The following MTUS2 variants were observed in gnomAD, a reference collection of about 807,000 sequenced individuals.
The protein encoded by MTUS2 is microtubule associated scaffold protein 2, also known as microtubule-associated tumor suppressor candidate 2.
In MTUS2, 40 loss-of-function variants were observed where a neutral mutation model predicts 114.1. The observed-to-expected ratio is 0.35, with a 90% CI of 0.27 to 0.46. The LOEUF (loss-of-function observed/expected upper bound fraction) is 0.46. Ranked by LOEUF, MTUS2 falls within the 20% of genes least tolerant of loss-of-function variation. MTUS2 has a pLI of 1.00. For synonymous variants in MTUS2, 688 were observed against 672.0 expected, an observed-to-expected ratio of 1.02 and a Z score of -0.37; for missense variants, 1,679 against 1,705.4, an observed-to-expected ratio of 0.98 and a Z score of 0.27.
chr13:28,897,841 G>T (rs1215458151), intron 2 of MTUS2, among the ~76,000 whole-genome samples: 1 of 146,396 alleles, frequency 6.8e-6, no homozygotes, highest in Non-Finnish European at 1.5e-5. Flanking sequence ...TCATAGGTGG[G>T]AATTGAACAA....
intron 5 of MTUS2, among the ~76,000 whole-genome samples, chr13:29,184,149 G>GT (rs976801417): frequency 5.9e-5 from 9 of 151,698 alleles, no homozygotes; most frequent in South Asian, 2.1e-4. Flanking sequence ...TTTGTTTGCT[G>GT]TTTTTTTTCG....
intron 4 of MTUS2, among the ~76,000 whole-genome samples, chr13:29,040,939 G>C (rs1412662691): frequency 1.3e-5 from 2 of 152,098 alleles, no homozygotes; most frequent in African/African-American, 2.4e-5. Context: ...TGCTTTTACT[G>C]TGCAGAAGCT....
intron 9 of MTUS2, among the ~76,000 whole-genome samples, chr13:29,452,683 A>T (rs1050884461): frequency 1.3e-4 from 20 of 151,688 alleles, no homozygotes; most frequent in Admixed American, 1.3e-3. Flanking sequence ...GACTCAAATG[A>T]TCCTCCTGCC....
At chr13:28,869,627 T>C (rs1408527291) in intron 2 of MTUS2, among the ~76,000 whole-genome samples, 6 of 152,038 alleles carry the variant, frequency 3.9e-5, no homozygotes, top group Non-Finnish European at 7.4e-5. Context: ...AAAAATTAGC[T>C]GGGCGTGGTG....
intron 8 of MTUS2, among the ~76,000 whole-genome samples, chr13:29,429,125 C>T (rs1876806054): frequency 6.6e-6 from 1 of 152,252 alleles, no homozygotes; most frequent in African/African-American, 2.4e-5. Flanking sequence ...TTCCTGCAGT[C>T]TCAAATGTAA....
intron 5 of MTUS2, among the ~76,000 whole-genome samples, chr13:29,184,610 C>T (rs149046838): frequency 5.3e-4 from 80 of 152,262 alleles, no homozygotes; most frequent in African/African-American, 1.6e-3. Flanking sequence ...GACTGGGACA[C>T]GTATTAGTTC....
At chr13:29,174,661 C>T (rs928175780) in intron 5 of MTUS2, among the ~76,000 whole-genome samples, 62 of 152,118 alleles carry the variant, frequency 4.1e-4, no homozygotes, top group Non-Finnish European at 1.8e-4. Flanking sequence ...ATTCTGCTTA[C>T]GGTAGTGGTT....
At chr13:29,502,014 T>C (rs1882948075) in intron 15 of MTUS2, among the ~76,000 whole-genome samples, 2 of 152,198 alleles carry the variant, frequency 1.3e-5, no homozygotes, top group Non-Finnish European at 2.9e-5. Context: ...ACATGTACAT[T>C]CTCTCACATA....
intron 7 of MTUS2, among the ~76,000 whole-genome samples, chr13:29,325,386 G>A (rs1464721709): frequency 6.6e-6 from 1 of 151,632 alleles, no homozygotes; most frequent in African/African-American, 2.4e-5. Flanking sequence ...AACTCGAGAG[G>A]TGGAGGTTGC....
chr13:28,870,563 A>C (rs1877560824), intron 2 of MTUS2, among the ~76,000 whole-genome samples: 1 of 152,114 alleles, frequency 6.6e-6, no homozygotes, highest in Non-Finnish European at 1.5e-5. Context: ...AAGCTTGTTG[A>C]TTAGTTGATA....
rs994627935 is a variant in MTUS2, at chr13:28,866,666, C to T, written c.-243+26816C>T. Among the ~76,000 whole-genome samples the T allele has an allele frequency of 8.5e-5, 13 of 152,198 alleles. No individual in the cohort carries two copies. The East Asian group carries it at 1.2e-3, about 14-fold the overall frequency. On this transcript the variant is annotated intron_variant, in intron 2 of 15. Transcript: ENST00000612955. ...ATGCCTTTGTATAAGATTTAGAGCA[C>T]GGTTGCCAAGAATGGGTTTTAGATA...
chr13:28,836,339 T>G (rs1875085368), intron 1 of MTUS2, among the ~76,000 whole-genome samples: 1 of 152,176 alleles, frequency 6.6e-6, no homozygotes, highest in African/African-American at 2.4e-5. Flanking sequence ...AAGAGTGATT[T>G]TCATGAAAGT....
At chr13:28,861,439 C>CTT (rs11462684) in intron 2 of MTUS2, among the ~76,000 whole-genome samples, 10,301 of 139,420 alleles carry the variant, frequency 0.074, 412 homozygotes, top group Non-Finnish European at 0.088. Context: ...CTGTTTTTTT[C>CTT]TTTTTTTTTT....
chr13:28,854,404 C>G (rs1025666449), intron 2 of MTUS2, among the ~76,000 whole-genome samples: 1 of 152,192 alleles, frequency 6.6e-6, no homozygotes, highest in Admixed American at 6.5e-5. Context: ...GTTCCCACAT[C>G]TGTAAAACAG....
chr13:28,833,861 TA>T (rs1874878675), intron 1 of MTUS2, among the ~76,000 whole-genome samples: 2 of 152,100 alleles, frequency 1.3e-5, no homozygotes, highest in African/African-American at 4.8e-5. Flanking sequence ...GCAAGATTAA[TA>T]AAAGTCAATT....
intron 2 of MTUS2, among the ~76,000 whole-genome samples, chr13:28,971,774 G>A (rs748903947): frequency 1.6e-4 from 25 of 152,282 alleles, no homozygotes; most frequent in Middle Eastern, 6.8e-3. Flanking sequence ...AAGAAACTGA[G>A]TTTCAAAATG....
chr13:29,364,120 A>G (rs1205877674), intron 8 of MTUS2, among the ~76,000 whole-genome samples: 1 of 152,204 alleles, frequency 6.6e-6, no homozygotes, highest in Non-Finnish European at 1.5e-5. Flanking sequence ...TAAGGGGGGA[A>G]ACGCACAATT....
chr13:28,881,160 C>T (rs926185242), intron 2 of MTUS2, among the ~76,000 whole-genome samples: 1 of 152,094 alleles, frequency 6.6e-6, no homozygotes, highest in East Asian at 1.9e-4. Context: ...CAGTGTCTAT[C>T]GTTGCCATTG....
chr13:28,961,179 T>TG (rs1289169778), intron 2 of MTUS2, among the ~76,000 whole-genome samples: 9 of 151,910 alleles, frequency 5.9e-5, no homozygotes, highest in Non-Finnish European at 1.0e-4. Context: ...TCCTGGAAAA[T>TG]GAGGAGAAAG....
Sources: gnomAD v4.1 joint callset for allele counts (sites outside exome capture counted in the v4.1 genomes callset) on GRCh38, gnomAD v4.1.1 for gene constraint, MANE v1.5 for transcripts, NCBI Gene and HGNC (gene_info 2026-07-23, HGNC 2026-07-21) for gene names.